POLI: variants seen among roughly 807,000 people sequenced by gnomAD.
POLI encodes the protein DNA polymerase iota, also known as RAD30 homolog B.
In POLI, 58 loss-of-function variants were observed where a neutral mutation model predicts 51.6. That is an observed-to-expected ratio of 1.12 (90% CI 0.91 to 1.40). POLI has a LOEUF of 1.40. POLI is among the 40% of genes most tolerant of loss of function. The pLI is 0.00. For synonymous variants in POLI, 322 were observed against 299.7 expected (o/e 1.07, Z -0.77); for missense variants, 921 against 871.3 (o/e 1.06, Z -0.72).
At chr18:54,279,382 A>G (rs1224220869) in intron 4 of POLI, among the ~76,000 whole-genome samples, 1 of 151,918 alleles carries the variant, frequency 6.6e-6, no homozygotes, top group Non-Finnish European at 1.5e-5. Flanking sequence ...AGCTGGGACT[A>G]CAGGCATGTG....
At chr18:54,282,145 A>G (rs1489474094) in intron 5 of POLI, among the ~76,000 whole-genome samples, 1 of 152,158 alleles carries the variant, frequency 6.6e-6, no homozygotes, top group Non-Finnish European at 1.5e-5. Context: ...GTTACCTAAT[A>G]TGTACACTTA....
At chr18:54,307,476 C>T (rs930376150) in intron 3 of POLI, among the ~76,000 whole-genome samples, 2 of 152,136 alleles carry the variant, frequency 1.3e-5, no homozygotes, top group African/African-American at 2.4e-5. Flanking sequence ...TGTTCTTTTA[C>T]GTTTGCTGAG....
At chr18:54,273,015 A>G (rs1335657862) in intron 2 of POLI, among the ~76,000 whole-genome samples, 1 of 144,390 alleles carries the variant, frequency 6.9e-6, no homozygotes, top group East Asian at 1.9e-4. Flanking sequence ...AGAAGTGGAC[A>G]TAACCTTTTT....
intron 3 of POLI, among the ~76,000 whole-genome samples, chr18:54,312,954 A>C (rs1372229925): frequency 6.6e-6 from 1 of 152,246 alleles, no homozygotes; most frequent in Middle Eastern, 3.4e-3. Context: ...TCTTTAGTTT[A>C]ATTAGGTCCC....
At chr18:54,315,041 C>T (rs909596242) in intron 3 of POLI, among the ~76,000 whole-genome samples, 5 of 152,058 alleles carry the variant, frequency 3.3e-5, no homozygotes, top group African/African-American at 7.2e-5. Flanking sequence ...TCTAGTTCCT[C>T]TTCATGTAAT....
At position 54,294,283 on chromosome 18, in the gene POLI, C is replaced by A. The variant is rs780306361; in HGVS notation, c.2039C>A (p.Thr680Lys). Residue 680 changes from threonine to lysine, a missense_variant, in exon 10 of 10, where the codon ACA (threonine) becomes AAA (lysine). Coordinates refer to ENST00000579534, the MANE Select transcript of POLI (RefSeq NM_007195.3). The stretch of plus-strand genomic sequence containing the variant: ...CACACTACAGATAGCCATAAGCAAA[C>A]AGTAGCAACAGACTCTCATGAAGGA... The part of the protein sequence containing the change: ...RNHTTDSHKQ[T>K]VATDSHEGLT... 1 of 1,613,476 alleles carries A rather than the reference C, an allele frequency of 6.2e-7. No individual in the cohort carries two copies. Among genetic ancestry groups the A allele is most frequent in the Admixed American group, 1.7e-5 (1 of 59,966 alleles).
intron 2 of POLI, among the ~76,000 whole-genome samples, chr18:54,271,886 G>A (rs1054917927): frequency 6.6e-6 from 1 of 152,114 alleles, no homozygotes; most frequent in Non-Finnish European, 1.5e-5. Flanking sequence ...CTTAAATTGT[G>A]TAACATCTAA....
At chr18:54,289,720 A>G (rs1019968505) in intron 8 of POLI, among the ~76,000 whole-genome samples, 3 of 152,026 alleles carry the variant, frequency 2.0e-5, no homozygotes, top group African/African-American at 7.2e-5. Flanking sequence ...AGAAACAAGC[A>G]ATGGGGAAAG....
rs756576246 is a variant in POLI, at chr18:54,291,851, C to T, written c.1217C>T (p.Thr406Ile). Residue 406 changes from threonine to isoleucine, a missense_variant, in exon 9 of 10, where the codon ACC becomes ATC. Transcript: ENST00000579534. ...KLGTGNYDVM[T>I]PMVDILMKLF... ...TATTTAGGAAATTATGATGTGATGA[C>T]CCCAATGGTTGATATACTTATGAAA... The T allele has an allele frequency of 3.9e-6, 6 of 1,557,818 alleles. No individual in the cohort carries two copies. In the East Asian group the frequency reaches 1.1e-4, roughly 29 times the overall value.
At chr18:54,283,859 C>A in intron 6 of POLI, 63 bp from the exon 7 acceptor site, 1 of 629,100 alleles carries the variant, frequency 1.6e-6, no homozygotes, top group Non-Finnish European at 2.8e-6. Flanking sequence ...TGACTGTACA[C>A]TGATAATAAT....
chr18:54,306,099 T>A (rs1053007718), intron 3 of POLI, among the ~76,000 whole-genome samples: 1 of 152,156 alleles, frequency 6.6e-6, no homozygotes, highest in African/African-American at 2.4e-5. Context: ...TGGCCAGAAC[T>A]TCCAACACTA....
Position 54,313,028 on chromosome 18 carries a change from T to G in POLI, c.334-7245T>G, listed in dbSNP as rs2088688271. 2.0e-5 allele frequency among the ~76,000 whole-genome samples: 3 copies of G among 152,202 alleles called. No individual in the cohort carries two copies. In the South Asian group the frequency reaches 6.2e-4, roughly 31 times the overall value. ...GACTTAGCCATAAACTCTTTGCCAA[T>G]GCCAATATCGAGATGGGTGTTTCCT... On this transcript the variant is annotated intron_variant, in intron 3 of 4. Coordinates refer to the POLI transcript ENST00000579823.
rs1187894905 is a variant in POLI at position 54,280,769 on chromosome 18, GTGC to G, written c.665_667del (p.Ala222del). 5.0e-6 allele frequency: 8 copies of G among 1,613,684 alleles called. No individual in the cohort carries two copies. The South Asian group carries it at 8.8e-5, about 18-fold the overall frequency. ...TATAATCAGTTGGGGCTCACTGGCTGTGCTGGAGTGGCTTCTAATAAACTGTTG... is the reference window on the plus strand; with the variant it reads ...TATAATCAGTTGGGGCTCACTGGCTGTGGAGTGGCTTCTAATAAACTGTTG... On this transcript the variant is annotated inframe_deletion, in exon 5 of 10. Coordinates refer to ENST00000579534, the MANE Select transcript of POLI (RefSeq NM_007195.3).
intron 9 of POLI, 98 bp downstream of exon 9, chr18:54,292,136 T>C (rs2088049386): frequency 2.7e-6 from 2 of 741,660 alleles, no homozygotes; most frequent in South Asian, 1.9e-5. Flanking sequence ...TGATATAGTT[T>C]AGAGATTCTT....
intron 3 of POLI, among the ~76,000 whole-genome samples, chr18:54,315,627 C>T (rs527930140): frequency 4.6e-5 from 7 of 152,136 alleles, no homozygotes; most frequent in African/African-American, 1.7e-4. Flanking sequence ...TTTTATGAAT[C>T]GGTGCTCCAA....
intron 3 of POLI, chr18:54,275,003 A>G (rs1372227766): frequency 1.3e-5 from 2 of 152,240 alleles, no homozygotes; most frequent in African/African-American, 2.4e-5. Flanking sequence ...GCTCAAATTC[A>G]TTAGTGGCCA....
chr18:54,277,863 G>C lies in POLI; in HGVS notation c.559+8G>C. ...ATGTATACAATAATCAGTGTGAGTG[G>C]GTTCTTATTCATTCTACCTACTAAC... On this transcript the variant is annotated splice_region_variant and intron_variant, in intron 4 of 9. Transcript: ENST00000579534. 6.3e-7 allele frequency: 1 copy of C among 1,593,824 alleles called. No individual in the cohort carries two copies. Among genetic ancestry groups the C allele is most frequent in the Non-Finnish European group, 8.6e-7 (1 of 1,168,552 alleles).
At position 54,294,068 on chromosome 18, in the gene POLI, T is replaced by C; in HGVS notation, c.1824T>C (p.Asn608=). The change falls in exon 10 of 10, where the codon AAT becomes AAC. Residue 608 remains asparagine (N), a synonymous_variant. Coordinates refer to ENST00000579534, the MANE Select transcript of POLI (RefSeq NM_007195.3). The part of the protein sequence containing the change: ...SPCEPGTSGF[N]SSSSSYMSSQ... The stretch of plus-strand genomic sequence containing the variant: ...GTGAACCGGGAACATCAGGCTTTAA[T>C]AGCAGTAGTTCTTCTTACATGTCTA... 1 of 1,611,814 alleles carries C rather than the reference T, an allele frequency of 6.2e-7. No individual in the cohort carries two copies. The highest frequency in any genetic ancestry group is 8.5e-7 in the Non-Finnish European group (1 of 1,177,964).
intron 2 of POLI, among the ~76,000 whole-genome samples, chr18:54,272,579 C>A (rs1481220903): frequency 6.6e-6 from 1 of 151,900 alleles, no homozygotes; most frequent in Non-Finnish European, 1.5e-5. Flanking sequence ...TCAGGTGATT[C>A]TCCTGCCTCA....
Sources: gnomAD v4.1 joint callset for allele counts (sites outside exome capture counted in the v4.1 genomes callset) on GRCh38, gnomAD v4.1.1 for gene constraint, MANE v1.5 for transcripts, NCBI Gene and HGNC (gene_info 2026-07-23, HGNC 2026-07-21) for gene names.